The following ZFC3H1 variants were observed in gnomAD, a reference collection of about 807,000 sequenced individuals.
The protein encoded by ZFC3H1 is zinc finger C3H1-type containing.
A neutral mutation model predicts 243.7 loss-of-function variants in ZFC3H1; 71 were observed. The observed-to-expected ratio is 0.29, with a 90% CI of 0.24 to 0.36. The LOEUF is 0.36. Among genes scored for constraint, ZFC3H1 ranks in the 10% least tolerant of loss-of-function variants. The pLI, the probability that ZFC3H1 is intolerant of heterozygous loss-of-function variation, is 1.00. For synonymous variants in ZFC3H1, 838 were observed against 813.0 expected, an observed-to-expected ratio of 1.03 and a Z score of -0.52; for missense variants, 1,966 against 2,317.1, an observed-to-expected ratio of 0.85 and a Z score of 3.11.
chr12:71,625,425 C>T (rs978035961), intron 22 of ZFC3H1, among the ~76,000 whole-genome samples: 12 of 152,146 alleles, frequency 7.9e-5, no homozygotes, highest in African/African-American at 2.9e-4. Context: ...GGCATGGTGG[C>T]TCACATCTAT....
At position 71,614,858 on chromosome 12, in the gene ZFC3H1, T is replaced by C. The variant is rs1443507703; in HGVS notation, c.5336A>G (p.Asp1779Gly). The C allele has an allele frequency of 6.2e-7, 1 of 1,613,686 alleles. No homozygotes were observed. The highest frequency in any genetic ancestry group is 1.3e-5 in the African/African-American group (1 of 75,024). ...CTCCATCCATATCTTCTGTACTATATCACATCTCATAGCCACCCCTAATGC... is the reference window on the plus strand; with the variant it reads ...CTCCATCCATATCTTCTGTACTATACCACATCTCATAGCCACCCCTAATGC... The part of the protein sequence containing the change: ...EAALGVAMRC[D>G]IVQKIWMDYL... Residue 1779 changes from aspartate (D) to glycine (G), a missense_variant, in exon 29 of 35, where the codon GAT (aspartate) becomes GGT (glycine). Asp to Gly is a moderately conservative substitution (Grantham distance 94). This residue lies in a region of ZFC3H1 where 1,383 missense variants were observed against 1,723.7 expected (regional missense o/e 0.80). Coordinates refer to ENST00000378743, the MANE Select transcript of ZFC3H1 (RefSeq NM_144982.5).
intron 26 of ZFC3H1, 60 bp downstream of exon 26, chr12:71,619,866 G>A (rs1879981451): frequency 1.3e-6 from 2 of 1,491,858 alleles, no homozygotes; most frequent in Non-Finnish European, 1.8e-6. Context: ...TCCTGGTGAG[G>A]CCAATAGCAA....
chr12:71,621,477 T>C (rs1224955342), intron 24 of ZFC3H1, among the ~76,000 whole-genome samples: 1 of 152,136 alleles, frequency 6.6e-6, no homozygotes, highest in Non-Finnish European at 1.5e-5. Flanking sequence ...CTAGTTTTTG[T>C]ATTTTTAGTA....
At position 71,626,133 on chromosome 12, in the gene ZFC3H1, T is replaced by A. The variant is rs1880158599; in HGVS notation, c.4317+127A>T. The A allele has an allele frequency of 8.5e-6, 8 of 939,076 alleles. No individual in the cohort carries two copies. In the South Asian group the frequency reaches 2.1e-4, roughly 24 times the overall value. The allele number at this position is 939,076 out of a possible 1,614,324, so 58.2% of individuals were successfully genotyped here. On this transcript the variant is annotated intron_variant, in intron 22 of 34. Coordinates refer to ENST00000378743, the MANE Select transcript of ZFC3H1 (RefSeq NM_144982.5). ...TGGTTACTAGAAACTGAAAGTAAGG[T>A]TATTATGTCTATATTCAGATAAAGC...
At chr12:71,656,681 ATGTC>A in intron 2 of ZFC3H1, 200 bp downstream of exon 2, 1 of 601,752 alleles carries the variant, frequency 1.7e-6, no homozygotes, top group African/African-American at 1.8e-5. Context: ...AGAGGCCAGA[ATGTC>A]AGGCAAAAAA....
In ZFC3H1 at chr12:71,630,446, G is replaced by A. The variant is rs143987559; in HGVS notation, c.3724+154C>T. Among the ~76,000 whole-genome samples the A allele has an allele frequency of 1.1e-4, 17 of 152,238 alleles. No individual in the cohort carries two copies. The East Asian group carries it at 2.3e-3, about 21-fold the overall frequency. ...GTAACAGAGGAAGTAAATTTTTACC[G>A]TAATTATACTGGATACAGCAAATCT... On this transcript the variant is annotated intron_variant, in intron 18 of 34. Transcript: ENST00000378743.
At chr12:71,625,681 C>A (rs898875460) in intron 22 of ZFC3H1, among the ~76,000 whole-genome samples, 3 of 152,186 alleles carry the variant, frequency 2.0e-5, no homozygotes, top group African/African-American at 7.2e-5. Context: ...CATAGAGAGA[C>A]CCTGCCTCAA....
chr12:71,615,370 T>A (rs1879870152), intron 27 of ZFC3H1, 54 bp from the exon 28 acceptor site: 9 of 1,130,246 alleles, frequency 8.0e-6, no homozygotes, highest in Non-Finnish European at 1.2e-5. Context: ...ACACAGGAAT[T>A]ACACACATAT....
intron 2 of ZFC3H1, 79 bp from the exon 3 acceptor site, chr12:71,647,892 G>A (rs1817516856): frequency 1.9e-6 from 1 of 534,432 alleles, no homozygotes; most frequent in Non-Finnish European, 3.1e-6. Flanking sequence ...TATAATATCT[G>A]GTAATTATTT....
At chr12:71,635,700 G>GT in intron 9 of ZFC3H1, 120 bp from the exon 10 acceptor site, 1 of 929,804 alleles carries the variant, frequency 1.1e-6, no homozygotes, top group South Asian at 2.6e-5. Context: ...TTCTAGGGTT[G>GT]TATTACATAA....
chr12:71,610,836 G>A, intron 33 of ZFC3H1, 79 bp from the exon 34 acceptor site: 2 of 1,488,574 alleles, frequency 1.3e-6, no homozygotes, highest in Non-Finnish European at 9.2e-7. Context: ...TTTAAAGAAT[G>A]GTAATTCACA....
intron 7 of ZFC3H1, 134 bp downstream of exon 7, chr12:71,638,284 G>T: frequency 3.7e-6 from 3 of 811,362 alleles, no homozygotes; most frequent in Non-Finnish European, 5.8e-6. Context: ...TTTATTCTAC[G>T]TATTTCATTG....
chr12:71,634,804 G>A lies in ZFC3H1; in HGVS notation c.2260C>T (p.Pro754Ser). The stretch of plus-strand genomic sequence containing the variant: ...TCATTTTCTTTTTCAGATTTTGGAG[G>A]TACTTTCGGTTTTGAAGCTTGCTAA... ...TAEQASKPKV[P>S]PKSEKENDPL... is the part of the protein sequence containing the mutation. Residue 754 changes from proline to serine, a missense_variant, in exon 11 of 35, where the codon CCT becomes TCT. By Grantham distance (74) the Pro-to-Ser change is moderately conservative. Coordinates refer to ENST00000378743, the MANE Select transcript of ZFC3H1 (RefSeq NM_144982.5). 3 of 1,579,812 alleles carry A rather than the reference G, an allele frequency of 1.9e-6. No individual in the cohort carries two copies. Among genetic ancestry groups the A allele is most frequent in the Non-Finnish European group, 2.6e-6 (3 of 1,167,534 alleles).
In ZFC3H1 at chr12:71,633,130, A is replaced by G. The variant is rs1203653534; in HGVS notation, c.2686-113T>C. The G allele has an allele frequency of 6.4e-6, 9 of 1,397,512 alleles. No homozygotes were observed. The East Asian group carries it at 2.0e-4, about 31-fold the overall frequency. The allele number at this position is 1,397,512 out of a possible 1,614,324, so 86.6% of individuals were successfully genotyped here. On this transcript the variant is annotated intron_variant, in intron 13 of 34. Coordinates refer to ENST00000378743, the MANE Select transcript of ZFC3H1 (RefSeq NM_144982.5). ...TTCAACTGAAAATAAAAATATTCCA[A>G]TATTATTTCTCAACAAGAAACTATA...
At chr12:71,637,429 A>G (rs1323600562) in intron 7 of ZFC3H1, among the ~76,000 whole-genome samples, 1 of 152,180 alleles carries the variant, frequency 6.6e-6, no homozygotes, top group East Asian at 1.9e-4. Context: ...ACTGAAACCC[A>G]AGACATAATA....
At chr12:71,662,346 C>T (rs1164399357) in intron 1 of ZFC3H1, among the ~76,000 whole-genome samples, 1 of 152,152 alleles carries the variant, frequency 6.6e-6, no homozygotes, top group Non-Finnish European at 1.5e-5. Context: ...CTCTCTCTGG[C>T]CCTCATTTAG....
At chr12:71,636,198 AGCCCATTTC>A (rs1880454681) in intron 9 of ZFC3H1, among the ~76,000 whole-genome samples, 1 of 152,226 alleles carries the variant, frequency 6.6e-6, no homozygotes, top group East Asian at 1.9e-4. Context: ...AATCTGAATG[AGCCCATTTC>A]TATAGAAAAA....
At chr12:71,655,639 G>A (rs1039283612) in intron 2 of ZFC3H1, among the ~76,000 whole-genome samples, 6 of 151,998 alleles carry the variant, frequency 3.9e-5, no homozygotes, top group South Asian at 2.1e-4. Context: ...TAGAAAACAC[G>A]AAGTTAGATT....
intron 24 of ZFC3H1, 144 bp from the exon 25 acceptor site, chr12:71,620,459 G>A (rs767837861): frequency 1.1e-5 from 9 of 790,006 alleles, no homozygotes; most frequent in South Asian, 1.8e-5. Context: ...CACCTTTACT[G>A]AGCTGGCTTT....
Sources: allele counts gnomAD v4.1 joint callset (sites outside exome capture counted in the v4.1 genomes callset), GRCh38; gene constraint gnomAD v4.1.1; regional missense constraint gnomAD v4.1.1; transcripts MANE v1.5; gene names NCBI Gene and HGNC (gene_info 2026-07-23, HGNC 2026-07-21).